The following PCSK6 variants were observed in gnomAD, a reference collection of about 807,000 sequenced individuals.
PCSK6 encodes paired basic amino acid cleaving enzyme 4.
Under a neutral mutation model 123.3 loss-of-function variants are expected in PCSK6, and 85 were observed. That is an observed-to-expected ratio of 0.69 (90% CI 0.58 to 0.83). PCSK6 has a LOEUF of 0.83. Ranked by LOEUF, PCSK6 falls within the 40% of genes least tolerant of loss-of-function variation. The pLI is 0.00. For missense variants in PCSK6, 1,191 were observed against 1,282.3 expected, an observed-to-expected ratio of 0.93 and a Z score of 1.09; for synonymous variants, 508 against 516.0, an observed-to-expected ratio of 0.98 and a Z score of 0.21.
chr15:101,473,477 A>C (rs1022397382), intron 1 of PCSK6, among the ~76,000 whole-genome samples: 1 of 152,210 alleles, frequency 6.6e-6, no homozygotes, highest in Non-Finnish European at 1.5e-5. Context: ...TTCTGATTTG[A>C]CCAAATATCA....
intron 13 of PCSK6, 82 bp downstream of exon 13, chr15:101,366,114 G>T: frequency 7.4e-7 from 1 of 1,358,968 alleles, no homozygotes; most frequent in Non-Finnish European, 1.0e-6. Flanking sequence ...AATTATCAGA[G>T]ACTCCGTAGT....
At chr15:101,468,850 C>T (rs1179889679) in intron 1 of PCSK6, among the ~76,000 whole-genome samples, 2 of 152,168 alleles carry the variant, frequency 1.3e-5, no homozygotes, top group East Asian at 1.9e-4. Context: ...GCTCGTCTCA[C>T]GGAGGTTTAA....
At chr15:101,482,893 C>G (rs1405810541) in intron 1 of PCSK6, among the ~76,000 whole-genome samples, 2 of 152,196 alleles carry the variant, frequency 1.3e-5, no homozygotes, top group East Asian at 3.8e-4. Flanking sequence ...GAGATGGCAG[C>G]TGGCTCGGCT....
At chr15:101,409,456 G>C (rs1222309799) in intron 6 of PCSK6, among the ~76,000 whole-genome samples, 1 of 152,042 alleles carries the variant, frequency 6.6e-6, no homozygotes, top group Non-Finnish European at 1.5e-5. Context: ...GCGGTGGCGG[G>C]CGCCTGTAGT....
chr15:101,488,212 A>G (rs1337642865), intron 1 of PCSK6, among the ~76,000 whole-genome samples: 1 of 152,216 alleles, frequency 6.6e-6, no homozygotes, highest in African/African-American at 2.4e-5. Context: ...ACTAAGGTTT[A>G]GAGTTATGAG....
At chr15:101,393,148 G>C in intron 8 of PCSK6, 64 bp downstream of exon 8, 1 of 1,260,388 alleles carries the variant, frequency 7.9e-7, no homozygotes, top group East Asian at 2.5e-5. Context: ...AAAGGGAGAA[G>C]AAACTCATTC....
chr15:101,428,996 G>A (rs962299385), intron 5 of PCSK6, among the ~76,000 whole-genome samples: 36 of 152,322 alleles, frequency 2.4e-4, no homozygotes, highest in African/African-American at 8.4e-4. Context: ...AGGCTCGCGG[G>A]AGCTCTGCAG....
At chr15:101,474,361 C>T (rs1263208913) in intron 1 of PCSK6, among the ~76,000 whole-genome samples, 1 of 152,216 alleles carries the variant, frequency 6.6e-6, no homozygotes, top group Non-Finnish European at 1.5e-5. Context: ...AAACCACAGG[C>T]CTCTGCTGTG....
intron 6 of PCSK6, among the ~76,000 whole-genome samples, chr15:101,415,363 G>A (rs2055852101): frequency 2.0e-5 from 3 of 152,252 alleles, no homozygotes; most frequent in South Asian, 4.1e-4. Flanking sequence ...AGGAGCAATC[G>A]TAGCCGACTG....
chr15:101,431,496 C>T, intron 3 of PCSK6, 33 bp from the exon 4 acceptor site: 4 of 1,612,652 alleles, frequency 2.5e-6, no homozygotes, highest in Non-Finnish European at 3.4e-6. Context: ...GTCCCCCCGA[C>T]ATGGACATTC....
intron 15 of PCSK6, among the ~76,000 whole-genome samples, chr15:101,326,990 G>C (rs544625026): frequency 1.3e-5 from 2 of 152,190 alleles, no homozygotes; most frequent in Non-Finnish European, 2.9e-5. Context: ...GCTGTGGTGG[G>C]AATGGGGATG....
At chr15:101,456,023 G>C (rs78772742) in intron 1 of PCSK6, among the ~76,000 whole-genome samples, 1 of 152,178 alleles carries the variant, frequency 6.6e-6, no homozygotes, top group African/African-American at 2.4e-5. Flanking sequence ...CTACTCTATC[G>C]GGGAGGCACT....
chr15:101,403,402 C>A (rs573562768), intron 6 of PCSK6, among the ~76,000 whole-genome samples: 11 of 144,628 alleles, frequency 7.6e-5, no homozygotes, highest in African/African-American at 2.3e-4. Context: ...GCACATGTAC[C>A]CTAAAACTTA....
At chr15:101,476,677 G>C (rs1028916115) in intron 1 of PCSK6, among the ~76,000 whole-genome samples, 4 of 152,124 alleles carry the variant, frequency 2.6e-5, no homozygotes, top group African/African-American at 9.7e-5. Context: ...GACATCTCAG[G>C]GAAGGAGTAA....
At chr15:101,317,657 C>T (rs576724047) in intron 19 of PCSK6, among the ~76,000 whole-genome samples, 7 of 152,140 alleles carry the variant, frequency 4.6e-5, no homozygotes, top group Non-Finnish European at 1.0e-4. Flanking sequence ...CTGTCCGCGC[C>T]GTTCCACAGC....
At chr15:101,370,873 T>C (rs1056800885) in intron 11 of PCSK6, among the ~76,000 whole-genome samples, 9 of 152,192 alleles carry the variant, frequency 5.9e-5, no homozygotes, top group African/African-American at 2.2e-4. Context: ...TGCTGGGCAG[T>C]GCTGTGGGGT....
At chr15:101,389,670 T>C (rs2042168521) in intron 8 of PCSK6, 106 bp from the exon 9 acceptor site, 3 of 830,016 alleles carry the variant, frequency 3.6e-6, no homozygotes, top group Non-Finnish European at 5.9e-6. Flanking sequence ...AGCGTGACCC[T>C]GGGTCTCGGG....
At position 101,480,796 on chromosome 15, in the gene PCSK6, A is replaced by T. The variant is rs191389852; in HGVS notation, c.297+8578T>A. On this transcript the variant is annotated intron_variant, in intron 1 of 21. Transcript: ENST00000611716. ...TGGCCAAGAGGCAAACTACAGCATCACAAAGAGGGTGTCCTCATGTACAAG... is the reference window on the plus strand; with the variant it reads ...TGGCCAAGAGGCAAACTACAGCATCTCAAAGAGGGTGTCCTCATGTACAAG... 1.3e-3 allele frequency among the ~76,000 whole-genome samples: 202 copies of T among 152,368 alleles called. 1 individual carries two copies. The highest frequency in any genetic ancestry group is 4.1e-3 in the African/African-American group (169 of 41,594).
intron 13 of PCSK6, among the ~76,000 whole-genome samples, chr15:101,342,213 C>G (rs2040631784): frequency 7.1e-6 from 1 of 141,368 alleles, no homozygotes; most frequent in South Asian, 2.3e-4. Context: ...GTAACAAATA[C>G]AGAAGTAAAA....
Sources: gnomAD v4.1 joint callset for allele counts (sites outside exome capture counted in the v4.1 genomes callset) on GRCh38, gnomAD v4.1.1 for gene constraint, MANE v1.5 for transcripts, NCBI Gene and HGNC (gene_info 2026-07-23, HGNC 2026-07-21) for gene names.